FUT9: variants seen among roughly 807,000 people sequenced by gnomAD.
FUT9 encodes fucosyltransferase 9.
A neutral mutation model predicts 29.7 loss-of-function variants in FUT9; 15 were observed. The ratio of observed to expected loss-of-function variants is 0.51; its 90% CI spans 0.34 to 0.78. FUT9 has a LOEUF of 0.78. FUT9 is among the 30% of genes least tolerant of loss of function. The pLI is 0.01. For synonymous variants in FUT9, 169 were observed against 153.7 expected, an observed-to-expected ratio of 1.10 and a Z score of -0.74; for missense variants, 319 against 425.4, an observed-to-expected ratio of 0.75 and a Z score of 2.20.
intron 1 of FUT9, among the ~76,000 whole-genome samples, chr6:96,058,252 A>T (rs1372846507): frequency 6.6e-6 from 1 of 152,116 alleles, no homozygotes; most frequent in Non-Finnish European, 1.5e-5. Context: ...TTAGACAAGC[A>T]TTCATTGTTC....
At chr6:96,086,579 T>C (rs1771320408) in intron 1 of FUT9, among the ~76,000 whole-genome samples, 2 of 152,332 alleles carry the variant, frequency 1.3e-5, no homozygotes, top group South Asian at 4.1e-4. Flanking sequence ...AAAGATATTC[T>C]CCTATATTTT....
intron 2 of FUT9, among the ~76,000 whole-genome samples, chr6:96,133,884 C>T (rs761282847): frequency 9.9e-5 from 15 of 151,810 alleles, no homozygotes; most frequent in Non-Finnish European, 1.6e-4. Flanking sequence ...GATTTTCTAA[C>T]TATCGAATAA....
intron 2 of FUT9, among the ~76,000 whole-genome samples, chr6:96,133,758 G>T (rs1772294990): frequency 6.6e-6 from 1 of 151,800 alleles, no homozygotes; most frequent in Admixed American, 6.6e-5. Flanking sequence ...TTTTTGTTTT[G>T]CATGTTTGTA....
intron 2 of FUT9, among the ~76,000 whole-genome samples, chr6:96,183,493 G>A (rs1773347468): frequency 6.6e-6 from 1 of 152,036 alleles, no homozygotes; most frequent in Admixed American, 6.6e-5. Context: ...AGGAGAAGCG[G>A]TGAGAGTGGG....
intron 2 of FUT9, among the ~76,000 whole-genome samples, chr6:96,184,926 C>T (rs951371980): frequency 6.6e-6 from 1 of 151,952 alleles, no homozygotes; most frequent in South Asian, 2.1e-4. Context: ...GTAAGCAATT[C>T]TAAATCAAGA....
At chr6:96,016,577 CCTAT>C (rs1769983170) in intron 1 of FUT9, among the ~76,000 whole-genome samples, 1 of 152,096 alleles carries the variant, frequency 6.6e-6, no homozygotes, top group South Asian at 2.1e-4. Context: ...CACAAACGCC[CCTAT>C]CTGCCACCCT....
intron 2 of FUT9, among the ~76,000 whole-genome samples, chr6:96,184,046 G>T (rs1165162763): frequency 2.6e-5 from 4 of 152,074 alleles, no homozygotes; most frequent in African/African-American, 9.7e-5. Context: ...ATGTCTGGTA[G>T]ATTTCAGCTG....
At chr6:96,060,686 A>G (rs1925228) in intron 1 of FUT9, among the ~76,000 whole-genome samples, 109,586 of 151,850 alleles carry the variant, frequency 0.72, 40,426 homozygotes, top group African/African-American at 0.89. Context: ...ACAGGTGCCC[A>G]CCACCACACC....
intron 1 of FUT9, among the ~76,000 whole-genome samples, chr6:96,078,380 T>A (rs1402785333): frequency 1.3e-5 from 2 of 150,308 alleles, no homozygotes; most frequent in Non-Finnish European, 3.0e-5. Flanking sequence ...GTGTGCTTGC[T>A]TTGATCTCTT....
chr6:96,109,730 C>G lies in FUT9; in HGVS notation c.-97-4309C>G, dbSNP rs56960639. On this transcript the variant is annotated intron_variant, in intron 1 of 2. Transcript: ENST00000302103. ...GGCTACTGCTTCCAGGCTTGCCCCT[C>G]TATTGTCAACAGAACAGTTGAAGTG... 2.6e-3 allele frequency among the ~76,000 whole-genome samples: 397 copies of G among 152,330 alleles called. 11 individuals are homozygous for G. The East Asian group carries it at 0.044, about 17-fold the overall frequency.
intron 1 of FUT9, among the ~76,000 whole-genome samples, chr6:96,024,474 A>G (rs1335325665): frequency 2.0e-5 from 3 of 151,732 alleles, no homozygotes; most frequent in African/African-American, 7.3e-5. Flanking sequence ...CCAATACTCT[A>G]TATTGGGAGC....
intron 1 of FUT9, among the ~76,000 whole-genome samples, chr6:96,084,610 T>G (rs1771287283): frequency 6.6e-6 from 1 of 152,116 alleles, no homozygotes; most frequent in Non-Finnish European, 1.5e-5. Context: ...AGCAACACAG[T>G]AAATGTGTCT....
At chr6:96,158,308 G>A (rs1167409796) in intron 2 of FUT9, among the ~76,000 whole-genome samples, 1 of 152,024 alleles carries the variant, frequency 6.6e-6, no homozygotes, top group Non-Finnish European at 1.5e-5. Flanking sequence ...TTTCCCCACT[G>A]TGCAGGTGTA....
chr6:96,194,575 T>C (rs950566540), intron 2 of FUT9, among the ~76,000 whole-genome samples: 1 of 152,008 alleles, frequency 6.6e-6, no homozygotes, highest in African/African-American at 2.4e-5. Flanking sequence ...TAGGTGTGGA[T>C]ATGAAGGAAA....
chr6:96,120,447 AATTTTTTTTTT>A (rs1383918506), intron 2 of FUT9, among the ~76,000 whole-genome samples: 1 of 146,468 alleles, frequency 6.8e-6, no homozygotes, highest in Non-Finnish European at 1.5e-5. Flanking sequence ...ATTTTTTTTT[AATTTTTTTTTT>A]AATTTTAGTA....
rs548815371 is a variant in FUT9, at chr6:96,064,595, T to C, written c.-98+48383T>C. Among the ~76,000 whole-genome samples the C allele has an allele frequency of 3.3e-5, 5 of 152,284 alleles. No individual in the cohort carries two copies. In the East Asian group the frequency reaches 5.8e-4, roughly 18 times the overall value. On this transcript the variant is annotated intron_variant, in intron 1 of 2. Transcript: ENST00000302103. ...GGCTCCCAGCACACACACACTGATCTACATTGAAAAAAATACAAACATAAA... is the reference window on the plus strand; with the variant it reads ...GGCTCCCAGCACACACACACTGATCCACATTGAAAAAAATACAAACATAAA...
chr6:96,038,072 A>C (rs1244037541), intron 1 of FUT9, among the ~76,000 whole-genome samples: 1 of 152,130 alleles, frequency 6.6e-6, no homozygotes, highest in Non-Finnish European at 1.5e-5. Flanking sequence ...CGTTGCCACA[A>C]GGTCAATGGC....
At chr6:96,183,577 G>C (rs1773349948) in intron 2 of FUT9, among the ~76,000 whole-genome samples, 1 of 152,082 alleles carries the variant, frequency 6.6e-6, no homozygotes, top group Admixed American at 6.6e-5. Context: ...TTGGCTGTGG[G>C]TTTGTCATAG....
chr6:96,058,781 T>C (rs1770822163), intron 1 of FUT9, among the ~76,000 whole-genome samples: 1 of 152,178 alleles, frequency 6.6e-6, no homozygotes, highest in Admixed American at 6.5e-5. Context: ...TTTGTATACT[T>C]GGCTTGGTTT....
Sources: gnomAD v4.1 joint callset for allele counts (sites outside exome capture counted in the v4.1 genomes callset) on GRCh38, gnomAD v4.1.1 for gene constraint, MANE v1.5 for transcripts, NCBI Gene and HGNC (gene_info 2026-07-23, HGNC 2026-07-21) for gene names.